The following LIMK1 variants were observed in gnomAD, a reference collection of about 807,000 sequenced individuals.
The protein encoded by LIMK1 is LIM motif-containing protein kinase.
LIMK1 carries 21 observed loss-of-function variants against 77.6 expected under a neutral mutation model. The observed-to-expected ratio is 0.27, with a 90% CI of 0.19 to 0.39. The LOEUF is 0.39. Ranked by LOEUF, LIMK1 falls within the 10% of genes least tolerant of loss-of-function variation. The pLI is 1.00. For missense variants in LIMK1, 696 were observed against 901.6 expected, an observed-to-expected ratio of 0.77 and a Z score of 2.92; for synonymous variants, 358 against 370.0, an observed-to-expected ratio of 0.97 and a Z score of 0.37.
chr7:74,106,868 C>A, intron 7 of LIMK1, 142 bp from the exon 8 acceptor site: 1 of 816,454 alleles, frequency 1.2e-6, no homozygotes, highest in Non-Finnish European at 1.9e-6. Context: ...TTTGGACTGT[C>A]CCAGGCGGGC....
chr7:74,121,405 T>C lies in LIMK1; in HGVS notation c.*104T>C. On this transcript the variant is annotated 3_prime_UTR_variant, in exon 16 of 16. Transcript: ENST00000336180. The stretch of plus-strand genomic sequence containing the variant: ...CAGCTGGGACAGTGGGGACCCAGGC[T>C]TCTCCTCAGAGCCAGGCCCTGACTT... 2 of 1,189,462 alleles carry C rather than the reference T, an allele frequency of 1.7e-6. No homozygotes were observed. Among genetic ancestry groups the C allele is most frequent in the Non-Finnish European group, 2.3e-6 (2 of 869,926 alleles). The allele number at this position is 1,189,462 out of a possible 1,614,324, so 73.7% of individuals were successfully genotyped here.
At chr7:74,086,285 T>C (rs1799136595) in intron 2 of LIMK1, among the ~76,000 whole-genome samples, 1 of 152,182 alleles carries the variant, frequency 6.6e-6, no homozygotes, top group African/African-American at 2.4e-5. Context: ...CCTCAAGTGA[T>C]CTTCCCACCT....
chr7:74,094,640 C>T (rs934303469), intron 2 of LIMK1, among the ~76,000 whole-genome samples: 3 of 152,274 alleles, frequency 2.0e-5, no homozygotes, highest in Admixed American at 6.5e-5. Flanking sequence ...CCTGGCCTCC[C>T]GGCTGCAGCA....
Position 74,111,950 on chromosome 7 carries a change from G to T in LIMK1, c.1362G>T (p.Met454Ile). The T allele has an allele frequency of 6.2e-7, 1 of 1,609,534 alleles. No homozygotes were observed. Among genetic ancestry groups the T allele is most frequent in the Non-Finnish European group, 8.5e-7 (1 of 1,178,522 alleles). Reference sequence around the variant, plus strand: ...GTCCCTAGGCCTACCTCCACTCCATGAACATCATCCACCGAGACCTCAACT... The same window carrying T: ...GTCCCTAGGCCTACCTCCACTCCATTAACATCATCCACCGAGACCTCAACT... ...IASGMAYLHSMNIIHRDLNSH... is the reference protein window; with the variant it reads ...IASGMAYLHSINIIHRDLNSH... The change falls in exon 12 of 16, where the codon ATG becomes ATT. Residue 454 changes from methionine to isoleucine, a missense_variant. By Grantham distance (10) the Met-to-Ile change is conservative. Coordinates refer to ENST00000336180, the MANE Select transcript of LIMK1 (RefSeq NM_002314.4).
At position 74,107,875 on chromosome 7, in the gene LIMK1, C is replaced by T; in HGVS notation, c.1070C>T (p.Thr357Ile). 6.4e-7 allele frequency: 1 copy of T among 1,568,780 alleles called. No homozygotes were observed. Among genetic ancestry groups the T allele is most frequent in the Non-Finnish European group, 8.6e-7 (1 of 1,156,346 alleles). Residue 357 changes from threonine to isoleucine, a missense_variant, in exon 9 of 16, where the codon ACA becomes ATA. Around this residue, in one of 3 missense-constraint regions of LIMK1, gnomAD observed 438 missense variants for 602.3 expected, o/e 0.73. Transcript: ENST00000336180. Reference sequence around the variant, plus strand: ...ACCTCTGTGTCCCACACGCAGGTGACACACCGTGAGACAGGTGAGGTGATG... The same window carrying T: ...ACCTCTGTGTCCCACACGCAGGTGATACACCGTGAGACAGGTGAGGTGATG... ...KGCFGQAIKV[T>I]HRETGEVMVM...
In LIMK1 at chr7:74,106,206, G is replaced by C. The variant is rs140698496; in HGVS notation, c.844G>C (p.Gly282Arg). 2.5e-6 allele frequency: 4 copies of C among 1,613,728 alleles called. No homozygotes were observed. The highest frequency in any genetic ancestry group is 3.4e-6 in the Non-Finnish European group (4 of 1,179,994). The change falls in exon 7 of 16, where the codon GGG becomes CGG. Residue 282 changes from glycine to arginine, a missense_variant. Coordinates refer to ENST00000336180, the MANE Select transcript of LIMK1 (RefSeq NM_002314.4). ...GAGCTCTCCGGCTTATACTCCCAGC[G>C]GGGAGGCGGGCAGCTCTGCCCGGCA... is the stretch of plus-strand genomic sequence containing the variant. ...PLSSPAYTPS[G>R]EAGSSARQKP... is the part of the protein sequence containing the mutation.
chr7:74,095,360 C>G (rs1251653970), intron 2 of LIMK1, among the ~76,000 whole-genome samples: 7 of 152,180 alleles, frequency 4.6e-5, no homozygotes, highest in Non-Finnish European at 7.3e-5. Context: ...ACAGCAGGAC[C>G]CAGGGGGGCA....
intron 2 of LIMK1, among the ~76,000 whole-genome samples, chr7:74,095,361 CA>C (rs782097931): frequency 5.9e-5 from 9 of 152,300 alleles, no homozygotes; most frequent in African/African-American, 9.6e-5. Flanking sequence ...CAGCAGGACC[CA>C]GGGGGGCACA....
intron 2 of LIMK1, among the ~76,000 whole-genome samples, chr7:74,091,776 T>C (rs1799241200): frequency 6.6e-6 from 1 of 151,842 alleles, no homozygotes; most frequent in African/African-American, 2.4e-5. Context: ...GGGACAGAAT[T>C]GAAGGGAGCA....
At chr7:74,085,951 C>T (rs561156656) in intron 2 of LIMK1, 107 bp downstream of exon 2, 317 of 760,044 alleles carry the variant, frequency 4.2e-4, no homozygotes, top group Non-Finnish European at 6.0e-4. Context: ...GGTGCCGTCC[C>T]CTATTGTGAC....
At chr7:74,120,698 G>A (rs1441086898) in intron 14 of LIMK1, 60 bp downstream of exon 14, 22 of 1,593,134 alleles carry the variant, frequency 1.4e-5, no homozygotes, top group Non-Finnish European at 1.7e-5. Context: ...ACTCACCCAG[G>A]CTGCAGGCTC....
At chr7:74,103,058 G>A (rs1554696827) in intron 5 of LIMK1, among the ~76,000 whole-genome samples, 1 of 151,626 alleles carries the variant, frequency 6.6e-6, no homozygotes, top group East Asian at 2.0e-4. Context: ...ATTAGAGACG[G>A]GGTTTTACCA....
At chr7:74,094,965 C>T (rs1438952421) in intron 2 of LIMK1, among the ~76,000 whole-genome samples, 3 of 152,214 alleles carry the variant, frequency 2.0e-5, no homozygotes, top group African/African-American at 4.8e-5. Flanking sequence ...TTACTCCCAC[C>T]CCTTCCCCTA....
rs148519545 is a variant in LIMK1, at chr7:74,088,226, G to A, written c.152+2382G>A. ...ACACAGAGAGGTTAATTCTCTTGAT[G>A]AAAGTCACACAGCCAGTGAGTGAAA... On this transcript the variant is annotated intron_variant, in intron 2 of 15. Transcript: ENST00000336180. Among the ~76,000 whole-genome samples the A allele has an allele frequency of 4.2e-3, 640 of 152,334 alleles. 1 individual carries two copies. Among genetic ancestry groups the A allele is most frequent in the Non-Finnish European group, 7.2e-3 (487 of 68,038 alleles).
intron 5 of LIMK1, among the ~76,000 whole-genome samples, chr7:74,099,478 C>T (rs1418290477): frequency 6.6e-6 from 1 of 152,162 alleles, no homozygotes; most frequent in Non-Finnish European, 1.5e-5. Context: ...CACCTGTAAT[C>T]TCAGCACTTC....
chr7:74,115,684 C>A, intron 12 of LIMK1, 118 bp from the exon 13 acceptor site: 1 of 1,107,140 alleles, frequency 9.0e-7, no homozygotes, highest in Non-Finnish European at 1.3e-6. Flanking sequence ...GCCAATACAG[C>A]GTATCAGAGG....
At chr7:74,104,259 T>G (rs899777687) in intron 5 of LIMK1, among the ~76,000 whole-genome samples, 1 of 151,332 alleles carries the variant, frequency 6.6e-6, no homozygotes, top group African/African-American at 2.4e-5. Context: ...CTCAGTCTCC[T>G]CTCTGCCTTA....
chr7:74,102,083 C>G (rs1322691248), intron 5 of LIMK1, among the ~76,000 whole-genome samples: 1 of 152,136 alleles, frequency 6.6e-6, no homozygotes, highest in Non-Finnish European at 1.5e-5. Flanking sequence ...ATTGGCTTCC[C>G]AAAGTGCTAG....
rs1458202432 is a variant in LIMK1 at position 74,105,803 on chromosome 7, C to G, written c.609-72C>G. ...CACCTGCTCACCCTGGATCTGGTGC[C>G]CTTCGCCTTGGTTTCCTGTTGGGGC... is the stretch of plus-strand genomic sequence containing the variant. On this transcript the variant is annotated intron_variant, in intron 5 of 15. Transcript: ENST00000336180. 7.6e-6 allele frequency: 8 copies of G among 1,055,510 alleles called. No individual in the cohort carries two copies. In the African/African-American group the frequency reaches 1.3e-4, roughly 17 times the overall value. The allele number at this position is 1,055,510 out of a possible 1,614,324, so 65.4% of individuals were successfully genotyped here.
Sources: gnomAD v4.1 joint callset for allele counts (sites outside exome capture counted in the v4.1 genomes callset) on GRCh38, gnomAD v4.1.1 for gene constraint, gnomAD v4.1.1 regional missense constraint, MANE v1.5 for transcripts, NCBI Gene and HGNC (gene_info 2026-07-23, HGNC 2026-07-21) for gene names.